The following SGSM1 variants were observed in gnomAD, a reference collection of about 807,000 sequenced individuals.
SGSM1 encodes the protein RUN and TBC1 domain containing 2.
Under a neutral mutation model 133.8 loss-of-function variants are expected in SGSM1, and 73 were observed. The observed-to-expected ratio is 0.55, with a 90% CI of 0.45 to 0.66. The LOEUF (loss-of-function observed/expected upper bound fraction) is 0.66, where lower values mean the gene tolerates loss of function less well. Among genes scored for constraint, SGSM1 ranks in the 30% least tolerant of loss-of-function variants. The pLI, the probability that SGSM1 is intolerant of heterozygous loss-of-function variation, is 0.00. For synonymous variants in SGSM1, 563 were observed against 573.0 expected (o/e 0.98, Z 0.25); for missense variants, 1,213 against 1,448.1 (o/e 0.84, Z 2.64).
intron 10 of SGSM1, among the ~76,000 whole-genome samples, 179 bp downstream of exon 10, chr22:24,867,339 G>A (rs534930112): frequency 2.0e-5 from 3 of 152,306 alleles, no homozygotes; most frequent in South Asian, 4.1e-4. Flanking sequence ...TCTGTAACAT[G>A]GGAATTATAA....
intron 14 of SGSM1, 45 bp downstream of exon 14, chr22:24,879,571 A>C (rs751450192): frequency 1.3e-6 from 2 of 1,580,068 alleles, no homozygotes; most frequent in East Asian, 4.5e-5. Flanking sequence ...TGGAGCAGCT[A>C]TTGGTGCCTG....
intron 5 of SGSM1, 46 bp from the exon 6 acceptor site, chr22:24,854,950 C>G (rs1930680876): frequency 6.6e-7 from 1 of 1,510,970 alleles, no homozygotes; most frequent in Non-Finnish European, 9.1e-7. Context: ...ATTGTGCGTC[C>G]TCTGCTGGTC....
Position 24,901,845 on chromosome 22 carries a change from G to A in SGSM1, c.2623G>A (p.Asp875Asn). Residue 875 changes from aspartate to asparagine, a missense_variant, in exon 20 of 25, where the codon GAT becomes AAT. Asp to Asn is a conservative substitution (Grantham distance 23). Coordinates refer to ENST00000400358, the MANE Select transcript of SGSM1 (RefSeq NM_001098497.3). ...CGATGGCCTATAGCCAGAGCTGCTG[G>A]ATCTGTACACGGTGAACCTGCACCG... ...SGVTYSPELL[D>N]LYTVNLHRIE... 2.5e-6 allele frequency: 4 copies of A among 1,612,972 alleles called. No individual in the cohort carries two copies. The highest frequency in any genetic ancestry group is 3.4e-6 in the Non-Finnish European group (4 of 1,179,584).
intron 16 of SGSM1, among the ~76,000 whole-genome samples, chr22:24,889,657 T>G (rs1291638291): frequency 4.0e-5 from 6 of 150,200 alleles, no homozygotes; most frequent in Non-Finnish European, 5.9e-5. Context: ...TAAATTGATT[T>G]TTTTTTTTTT....
At chr22:24,883,146 C>T (rs183362182) in intron 14 of SGSM1, among the ~76,000 whole-genome samples, 5 of 151,972 alleles carry the variant, frequency 3.3e-5, no homozygotes, top group East Asian at 1.9e-4. Context: ...CCTCGTGATC[C>T]GCCCGCCTCA....
intron 2 of SGSM1, among the ~76,000 whole-genome samples, chr22:24,836,529 A>G (rs766546126): frequency 4.6e-5 from 7 of 152,228 alleles, no homozygotes; most frequent in Non-Finnish European, 1.0e-4. Flanking sequence ...GAACCACCAT[A>G]CTGTCTACCA....
At chr22:24,882,703 T>C (rs1932399402) in intron 14 of SGSM1, among the ~76,000 whole-genome samples, 1 of 152,116 alleles carries the variant, frequency 6.6e-6, no homozygotes, top group Non-Finnish European at 1.5e-5. Flanking sequence ...ACTAGTCCAC[T>C]CTCCACCTCC....
At chr22:24,836,130 C>A (rs557992437) in intron 2 of SGSM1, among the ~76,000 whole-genome samples, 27 of 152,202 alleles carry the variant, frequency 1.8e-4, no homozygotes, top group Non-Finnish European at 3.1e-4. Context: ...CAGCCCCTGG[C>A]AACCACCATT....
intron 19 of SGSM1, among the ~76,000 whole-genome samples, chr22:24,899,518 CT>C (rs56027362): frequency 0.069 from 9,259 of 133,782 alleles, 432 homozygotes; most frequent in South Asian, 0.16. Context: ...CTTTTCTTTT[CT>C]TTTTTTTTTT....
chr22:24,851,180 T>C (rs1395941251), intron 5 of SGSM1, among the ~76,000 whole-genome samples: 2 of 152,034 alleles, frequency 1.3e-5, no homozygotes, highest in African/African-American at 4.8e-5. Flanking sequence ...TAGATTAATC[T>C]GATGTGAAAG....
intron 9 of SGSM1, among the ~76,000 whole-genome samples, chr22:24,862,201 C>T (rs1159891437): frequency 2.6e-5 from 4 of 152,166 alleles, no homozygotes; most frequent in Admixed American, 6.5e-5. Context: ...CCACCCGTCT[C>T]GGCCTCCCAA....
chr22:24,906,116 AAATC>A (rs1397839690), intron 21 of SGSM1, among the ~76,000 whole-genome samples: 24 of 152,234 alleles, frequency 1.6e-4, no homozygotes, highest in Non-Finnish European at 2.9e-5. Flanking sequence ...TGACATGCAA[AAATC>A]AATCAATTTA....
At chr22:24,907,933 A>AAAAAAAAAAAAAAAAG (rs60386136) in intron 21 of SGSM1, among the ~76,000 whole-genome samples, 1 of 109,960 alleles carries the variant, frequency 9.1e-6, no homozygotes, top group Non-Finnish European at 1.7e-5. Flanking sequence ...AAAAAAAAAA[A>AAAAAAAAAAAAAAAAG]AAGATGTTGC....
At chr22:24,830,791 T>A (rs572564760) in intron 2 of SGSM1, among the ~76,000 whole-genome samples, 1 of 150,496 alleles carries the variant, frequency 6.6e-6, no homozygotes, top group African/African-American at 2.4e-5. Context: ...GGGAAGGGGG[T>A]TAGGATTAGC....
intron 12 of SGSM1, among the ~76,000 whole-genome samples, chr22:24,869,823 G>T (rs13054678): frequency 0.34 from 51,555 of 152,124 alleles, 10,726 homozygotes; most frequent in Non-Finnish European, 0.47. Flanking sequence ...GCAGCAAATG[G>T]AAGTTCTTAC....
chr22:24,812,443 T>C (rs1405155061), intron 2 of SGSM1, among the ~76,000 whole-genome samples: 2 of 152,072 alleles, frequency 1.3e-5, no homozygotes, highest in South Asian at 4.1e-4. Flanking sequence ...GTTGCCAAGA[T>C]CTAGGGGGAT....
intron 21 of SGSM1, among the ~76,000 whole-genome samples, chr22:24,906,398 A>C (rs1315816390): frequency 6.6e-6 from 1 of 152,234 alleles, no homozygotes; most frequent in Non-Finnish European, 1.5e-5. Flanking sequence ...AGGGCAATTA[A>C]GAAAGAAAAA....
intron 2 of SGSM1, among the ~76,000 whole-genome samples, chr22:24,816,383 G>A (rs1809737573): frequency 6.6e-6 from 1 of 150,900 alleles, no homozygotes; most frequent in African/African-American, 2.4e-5. Context: ...AAATGAGAAA[G>A]TGAAGCTAAA....
At chr22:24,850,485 G>A (rs148115009) in intron 5 of SGSM1, 53 bp downstream of exon 5, 32 of 1,590,148 alleles carry the variant, frequency 2.0e-5, no homozygotes, top group Non-Finnish European at 2.7e-5. Context: ...CCTGCCGGCC[G>A]TTGTGGAAAT....
Sources: allele counts gnomAD v4.1 joint callset (sites outside exome capture counted in the v4.1 genomes callset), GRCh38; gene constraint gnomAD v4.1.1; transcripts MANE v1.5; gene names NCBI Gene and HGNC (gene_info 2026-07-23, HGNC 2026-07-21).